ACAD11: variants seen among roughly 807,000 people sequenced by gnomAD.
The protein encoded by ACAD11 is acyl-CoA dehydrogenase family member 11, also known as acyl-Coenzyme A dehydrogenase family, member 11.
ACAD11 carries 83 observed loss-of-function variants against 102.2 expected under a neutral mutation model. That is an observed-to-expected ratio of 0.81 (90% CI 0.68 to 0.97). The LOEUF is 0.97. Among genes scored for constraint, ACAD11 ranks in the 50% least tolerant of loss-of-function variants. The pLI is 0.00. For synonymous variants in ACAD11, 324 were observed against 319.8 expected, an observed-to-expected ratio of 1.01 and a Z score of -0.14; for missense variants, 901 against 951.7, an observed-to-expected ratio of 0.95 and a Z score of 0.70.
chr3:132,639,496 T>G lies in ACAD11; in HGVS notation c.698A>C (p.Lys233Thr). 6.2e-7 allele frequency: 1 copy of G among 1,613,110 alleles called. No homozygotes were observed. Among genetic ancestry groups the G allele is most frequent in the Non-Finnish European group, 8.5e-7 (1 of 1,179,668 alleles). The change falls in exon 5 of 20, where the codon AAA becomes ACA. Residue 233 changes from lysine to threonine, a missense_variant. Coordinates refer to ENST00000264990, the MANE Select transcript of ACAD11 (RefSeq NM_032169.5). ...FRLDNIVFHP[K>T]ECRVIAVLDW... ...TGTAAACATAGCTAACTGTACCTCT[T>G]TAGGGTGGAAAACTATGTTATCTAG...
intron 11 of ACAD11, among the ~76,000 whole-genome samples, chr3:132,617,142 T>C (rs1382793374): frequency 6.6e-6 from 1 of 152,144 alleles, no homozygotes; most frequent in Admixed American, 6.5e-5. Context: ...CATTGGATAT[T>C]GTCCCATAAT....
At chr3:132,562,029 A>T (rs1033680017) in intron 17 of ACAD11, among the ~76,000 whole-genome samples, 2 of 152,232 alleles carry the variant, frequency 1.3e-5, no homozygotes, top group Non-Finnish European at 2.9e-5. Context: ...GCTGAGTAGT[A>T]TTCCATTGTA....
Position 132,639,656 on chromosome 3 carries a change from C to G in ACAD11, c.538G>C (p.Val180Leu). The change falls in exon 5 of 20, where the codon GTA (valine) becomes CTA (leucine). Residue 180 changes from valine (V) to leucine (L), a missense_variant and splice_region_variant. Physicochemically the swap from Val to Leu is conservative, Grantham distance 32. Coordinates refer to ENST00000264990, the MANE Select transcript of ACAD11 (RefSeq NM_032169.5). ...TGATATTGCTTTGTCCAGGTTGATA[C>G]CTAAAGACATATAAATAAGAAAAAT... ...GIGAGYCKRQ[V>L]STWTKQYQAA... 6.2e-7 allele frequency: 1 copy of G among 1,605,180 alleles called. No individual in the cohort carries two copies. Among genetic ancestry groups the G allele is most frequent in the East Asian group, 2.2e-5 (1 of 44,486 alleles).
intron 11 of ACAD11, among the ~76,000 whole-genome samples, chr3:132,615,930 C>T (rs1258257426): frequency 6.6e-6 from 1 of 152,078 alleles, no homozygotes; most frequent in Non-Finnish European, 1.5e-5. Context: ...GGAAAAAGGG[C>T]AAACTGGAAG....
intron 17 of ACAD11, among the ~76,000 whole-genome samples, chr3:132,567,825 C>T (rs1224707128): frequency 6.6e-6 from 1 of 152,174 alleles, no homozygotes; most frequent in Non-Finnish European, 1.5e-5. Context: ...TGTCAGTTCT[C>T]ACCTCTCTTA....
chr3:132,621,761 T>C (rs906778305), intron 9 of ACAD11, among the ~76,000 whole-genome samples: 4 of 123,308 alleles, frequency 3.2e-5, no homozygotes, highest in Non-Finnish European at 6.2e-5. Flanking sequence ...AATTTGACAC[T>C]AGCCTGGCCT....
At chr3:132,585,685 T>C (rs1937784796) in intron 13 of ACAD11, among the ~76,000 whole-genome samples, 1 of 152,134 alleles carries the variant, frequency 6.6e-6, no homozygotes, top group African/African-American at 2.4e-5. Flanking sequence ...GCAAAGGATA[T>C]GAATAGACAC....
Position 132,619,481 on chromosome 3 carries a change from A to G in ACAD11, c.1262T>C (p.Ile421Thr). Residue 421 changes from isoleucine to threonine, a missense_variant, in exon 10 of 20, where the codon ATT becomes ACT. Physicochemically the swap from Ile to Thr is moderately conservative, Grantham distance 89. Transcript: ENST00000264990. ...AGATTTTCTTACCTTGAGTTTATCAATCACTAAAGGTTTTCCCCACTTGTC... is the reference window on the plus strand; with the variant it reads ...AGATTTTCTTACCTTGAGTTTATCAGTCACTAAAGGTTTTCCCCACTTGTC... ...SVDKWGKPLV[I>T]DKLKEMAKVE... The G allele has an allele frequency of 3.2e-6, 5 of 1,587,276 alleles. No homozygotes were observed. Among genetic ancestry groups the G allele is most frequent in the Admixed American group, 1.8e-5 (1 of 54,624 alleles).
chr3:132,594,989 G>A (rs747335740), intron 13 of ACAD11, among the ~76,000 whole-genome samples: 1 of 152,158 alleles, frequency 6.6e-6, no homozygotes, highest in Non-Finnish European at 1.5e-5. Flanking sequence ...AAAAGTCCCT[G>A]TTCTGATGAA....
intron 17 of ACAD11, among the ~76,000 whole-genome samples, chr3:132,570,087 G>T (rs1378600132): frequency 6.6e-6 from 1 of 152,174 alleles, no homozygotes; most frequent in Non-Finnish European, 1.5e-5. Flanking sequence ...AAAACATTCT[G>T]TGAGTTTTCC....
chr3:132,626,534 C>T (rs1939820338), intron 9 of ACAD11, among the ~76,000 whole-genome samples, 157 bp downstream of exon 9: 1 of 152,140 alleles, frequency 6.6e-6, no homozygotes, highest in Non-Finnish European at 1.5e-5. Context: ...TGTGCATTCC[C>T]TTTGTTCTAT....
intron 1 of ACAD11, chr3:132,654,523 G>A (rs1937677124): frequency 6.6e-6 from 1 of 152,230 alleles, no homozygotes; most frequent in Non-Finnish European, 1.5e-5. Flanking sequence ...GTCAGCTGAA[G>A]ATAATGGCCA....
At chr3:132,592,543 C>T (rs1444667786) in intron 13 of ACAD11, among the ~76,000 whole-genome samples, 1 of 152,128 alleles carries the variant, frequency 6.6e-6, no homozygotes, top group Non-Finnish European at 1.5e-5. Context: ...CCCACAAAAT[C>T]ATTTTCTAAC....
intron 13 of ACAD11, among the ~76,000 whole-genome samples, chr3:132,590,718 G>C (rs187079615): frequency 1.3e-5 from 2 of 152,236 alleles, no homozygotes; most frequent in East Asian, 3.9e-4. Flanking sequence ...GCGTGAGATG[G>C]TATCTCATTG....
chr3:132,573,671 T>A (rs988834907), intron 17 of ACAD11, among the ~76,000 whole-genome samples: 1 of 152,212 alleles, frequency 6.6e-6, no homozygotes, highest in Non-Finnish European at 1.5e-5. Flanking sequence ...CTTTATAACT[T>A]CATGAACAGA....
chr3:132,559,709 T>C (rs756394330), intron 19 of ACAD11, 124 bp downstream of exon 19: 5 of 699,368 alleles, frequency 7.1e-6, no homozygotes, highest in Non-Finnish European at 1.2e-5. Context: ...TATTAATGTA[T>C]ATCACTTCAT....
At chr3:132,562,609 A>G (rs1937095455) in intron 17 of ACAD11, among the ~76,000 whole-genome samples, 1 of 152,118 alleles carries the variant, frequency 6.6e-6, no homozygotes, top group African/African-American at 2.4e-5. Flanking sequence ...ACTTAGTATC[A>G]TATTTTATTT....
intron 11 of ACAD11, among the ~76,000 whole-genome samples, chr3:132,610,543 C>T (rs1442316487): frequency 3.3e-5 from 5 of 152,066 alleles, no homozygotes; most frequent in African/African-American, 4.8e-5. Flanking sequence ...AAGGGGATAT[C>T]ACCACCGATC....
chr3:132,570,255 G>T (rs1176158144), intron 17 of ACAD11, among the ~76,000 whole-genome samples: 2 of 152,034 alleles, frequency 1.3e-5, no homozygotes, highest in Non-Finnish European at 2.9e-5. Context: ...GGAGTTTTTT[G>T]GTTTCCAATT....
Sources: gnomAD v4.1 joint callset for allele counts (sites outside exome capture counted in the v4.1 genomes callset) on GRCh38, gnomAD v4.1.1 for gene constraint, MANE v1.5 for transcripts, NCBI Gene and HGNC (gene_info 2026-07-23, HGNC 2026-07-21) for gene names.